The following BRF1 variants were observed in gnomAD, a reference collection of about 807,000 sequenced individuals.
The protein encoded by BRF1 is BRF1 general transcription factor IIIB subunit.
In BRF1, 59 loss-of-function variants were observed where a neutral mutation model predicts 81.7. That is an observed-to-expected ratio of 0.72 (90% CI 0.59 to 0.90). BRF1 has a LOEUF of 0.90. Ranked by LOEUF, BRF1 falls within the 40% of genes least tolerant of loss-of-function variation. BRF1 has a pLI of 0.00. For synonymous variants in BRF1, 491 were observed against 395.6 expected (o/e 1.24, Z -2.86); for missense variants, 1,050 against 936.3 (o/e 1.12, Z -1.58).
chr14:105,287,549 T>C (rs1033873835), intron 1 of BRF1, among the ~76,000 whole-genome samples: 1 of 152,076 alleles, frequency 6.6e-6, no homozygotes, highest in Non-Finnish European at 1.5e-5. Flanking sequence ...AAGGCAAGTG[T>C]GTAGGGCCTG....
At chr14:105,219,996 A>G in intron 12 of BRF1, 73 bp downstream of exon 12, 1 of 1,576,944 alleles carries the variant, frequency 6.3e-7, no homozygotes, top group Admixed American at 1.7e-5. Context: ...ACCCCGCCCG[A>G]CCACTCAGGG....
In BRF1 at chr14:105,315,114, A is replaced by C; in HGVS notation, c.-162+208T>G. On this transcript the variant is annotated intron_variant, in intron 1 of 17. Transcript: ENST00000327359. The surrounding 1 kb of genome is among the most constrained non-coding windows in gnomAD (Gnocchi z 4.4). ...CCTGGCCGCGGCCTCTGCGCGCCCC[A>C]TCCCCGGCCCGGGTCCCCCAGCGGA... 3 of 904,372 alleles carry C rather than the reference A, an allele frequency of 3.3e-6. No homozygotes were observed. Among genetic ancestry groups the C allele is most frequent in the Non-Finnish European group, 2.7e-6 (2 of 745,544 alleles). 56.0% of individuals were successfully genotyped at this position (904,372 alleles called of 1,614,324 possible). A position where few individuals can be genotyped will look rare whatever the true frequency, so the allele number is the denominator to read the frequency against.
At chr14:105,228,437 A>G (rs939030368) in intron 7 of BRF1, among the ~76,000 whole-genome samples, 7 of 151,834 alleles carry the variant, frequency 4.6e-5, no homozygotes, top group African/African-American at 9.7e-5. Flanking sequence ...CCAGCTACTC[A>G]GGAGGCTGAG....
intron 1 of BRF1, among the ~76,000 whole-genome samples, chr14:105,296,795 G>A (rs1303307050): frequency 2.6e-5 from 4 of 151,632 alleles, no homozygotes; most frequent in African/African-American, 7.3e-5. Flanking sequence ...GCAATGAAGA[G>A]TTGAAAACTA....
intron 3 of BRF1, among the ~76,000 whole-genome samples, chr14:105,267,864 C>T (rs75147063): frequency 6.6e-6 from 1 of 152,240 alleles, no homozygotes; most frequent in Non-Finnish European, 1.5e-5. Flanking sequence ...ATGCACATGG[C>T]CCCTGCTGAC....
chr14:105,246,856 C>T (rs2055149275), intron 5 of BRF1: 10 of 985,510 alleles, frequency 1.0e-5, no homozygotes, highest in Non-Finnish European at 8.4e-6. Flanking sequence ...CAGATCAAGA[C>T]GCTGACTACC....
At chr14:105,261,449 G>A (rs1022636424) in intron 3 of BRF1, among the ~76,000 whole-genome samples, 10 of 152,194 alleles carry the variant, frequency 6.6e-5, no homozygotes, top group Non-Finnish European at 1.5e-4. Context: ...AACACAGCGA[G>A]GGGCCACTCC....
Position 105,272,761 on chromosome 14 carries a change from A to T in BRF1, c.399T>A (p.Ala133=), listed in dbSNP as rs1404096086. 1.2e-6 allele frequency: 2 copies of T among 1,613,786 alleles called. No individual in the cohort carries two copies. The highest frequency in any genetic ancestry group is 1.7e-5 in the Admixed American group (1 of 59,998). The change falls in exon 3 of 18, where the codon GCT becomes GCA. Residue 133 remains alanine, a synonymous_variant. Transcript: ENST00000547530. ...TACGGCAGACCAGGTAGAGGCAGGC[A>T]GCAATCACGTGGGCCATCTTCCGGC... ...TRGRKMAHVI[A]ACLYLVCRTE... is the part of the protein sequence containing the mutation.
intron 16 of BRF1, 59 bp downstream of exon 16, chr14:105,212,054 C>T (rs1409225879): frequency 1.3e-6 from 2 of 1,593,044 alleles, no homozygotes; most frequent in African/African-American, 2.7e-5. Context: ...CATCTGGGCC[C>T]AGGAAGAAGT....
upstream of BRF1, among the ~76,000 whole-genome samples, chr14:105,305,704 C>T (rs188475767): frequency 2.0e-4 from 31 of 152,324 alleles, no homozygotes; most frequent in East Asian, 4.8e-3. Context: ...CCCTGGGGAC[C>T]GGTTAGGTGC....
intron 16 of BRF1, 89 bp downstream of exon 16, chr14:105,212,024 C>A (rs781767089): frequency 9.7e-6 from 15 of 1,548,876 alleles, no homozygotes; most frequent in South Asian, 4.7e-5. Context: ...GGCCTGCTCT[C>A]CCTGTGGTCA....
chr14:105,240,973 G>A (rs2054561054), intron 6 of BRF1, among the ~76,000 whole-genome samples: 1 of 152,224 alleles, frequency 6.6e-6, no homozygotes, highest in Non-Finnish European at 1.5e-5. Context: ...CGAGACCACG[G>A]GCAGGGATGC....
At chr14:105,249,812 G>A (rs2055478688) in intron 5 of BRF1, 1 of 1,613,734 alleles carries the variant, frequency 6.2e-7, no homozygotes. Context: ...GCTGTTTGAG[G>A]AGCCCGAGCT....
chr14:105,251,381 G>T (rs587750681), intron 5 of BRF1, among the ~76,000 whole-genome samples: 1 of 152,302 alleles, frequency 6.6e-6, no homozygotes, highest in African/African-American at 2.4e-5. Context: ...ATTCTGCTGG[G>T]CCCAGCGTTC....
At chr14:105,228,564 G>A (rs587708201) in intron 7 of BRF1, among the ~76,000 whole-genome samples, 1 of 150,624 alleles carries the variant, frequency 6.6e-6, no homozygotes, top group Admixed American at 6.7e-5. Flanking sequence ...AAAAAATACA[G>A]GGATCGGAGG....
At chr14:105,226,343 G>A (rs1020082716) in intron 8 of BRF1, 53 bp from the exon 9 acceptor site, 47 of 1,611,214 alleles carry the variant, frequency 2.9e-5, no homozygotes, top group African/African-American at 6.7e-5. Flanking sequence ...GGTGCACAGC[G>A]CAGCCTCTGG....
intron 4 of BRF1, 45 bp from the exon 5 acceptor site, chr14:105,252,624 G>T: frequency 6.3e-7 from 1 of 1,590,706 alleles, no homozygotes; most frequent in South Asian, 1.1e-5. Flanking sequence ...GGTATTTAAG[G>T]AAATGTTTGC....
intron 3 of BRF1, among the ~76,000 whole-genome samples, chr14:105,267,379 C>T (rs1449224801): frequency 6.6e-6 from 1 of 151,950 alleles, no homozygotes; most frequent in African/African-American, 2.4e-5. Context: ...TCATGGCTCA[C>T]TGCAGCCTCG....
chr14:105,229,720 G>A (rs376460451), intron 6 of BRF1, among the ~76,000 whole-genome samples: 1,143 of 80,136 alleles, frequency 0.014, 2 homozygotes, highest in African/African-American at 0.02. Context: ...CCACACCACT[G>A]TCCGCGTAGT....
Sources: allele counts gnomAD v4.1 joint callset (sites outside exome capture counted in the v4.1 genomes callset), GRCh38; gene constraint gnomAD v4.1.1; non-coding constraint Gnocchi (gnomAD v3.1); transcripts MANE v1.5; gene names NCBI Gene and HGNC (gene_info 2026-07-23, HGNC 2026-07-21).